The following IFITM10 variants were observed in gnomAD, a reference collection of about 807,000 sequenced individuals.
The protein encoded by IFITM10 is interferon induced transmembrane protein 10.
IFITM10 carries 17 observed loss-of-function variants against 19.0 expected under a neutral mutation model. The ratio of observed to expected loss-of-function variants is 0.90; its 90% CI spans 0.61 to 1.34. The LOEUF is 1.34. Ranked by LOEUF, IFITM10 falls within the 40% of genes most tolerant of loss-of-function variation. IFITM10 has a pLI of 0.00. For missense variants in IFITM10, 306 were observed against 319.8 expected, an observed-to-expected ratio of 0.96 and a Z score of 0.33; for synonymous variants, 148 against 147.2, an observed-to-expected ratio of 1.01 and a Z score of -0.04.
At chr11:1,747,530 C>T in intron 2 of IFITM10, 137 bp downstream of exon 2, 2 of 747,736 alleles carry the variant, frequency 2.7e-6, no homozygotes, top group Non-Finnish European at 4.4e-6. Flanking sequence ...CCTTTGATCC[C>T]TTGGCCCCTC....
intron 2 of IFITM10, among the ~76,000 whole-genome samples, chr11:1,743,017 G>A (rs1234337169): frequency 7.2e-6 from 1 of 138,696 alleles, no homozygotes; most frequent in East Asian, 2.1e-4. Context: ...TAAATGGATG[G>A]ATGGATTGAG....
In IFITM10 at chr11:1,747,770, G is replaced by T; in HGVS notation, c.434C>A (p.Pro145Gln). The change falls in exon 2 of 3, where the codon CCG (proline) becomes CAG (glutamine). Residue 145 changes from proline (P) to glutamine (Q), a missense_variant. Transcript: ENST00000340134. ...ATAGTCGTTCACCTCGGTGGTGTCC[G>T]GGTAGACCTCGATGACGGTCGTGGG... Reference protein sequence around the residue: ...TNPTTVIEVYPDTTEVNDYYL... With the variant: ...TNPTTVIEVYQDTTEVNDYYL... The T allele has an allele frequency of 1.3e-6, 2 of 1,551,820 alleles. No individual in the cohort carries two copies. Among genetic ancestry groups the T allele is most frequent in the Non-Finnish European group, 1.7e-6 (2 of 1,146,950 alleles).
At position 1,742,535 on chromosome 11, in the gene IFITM10, C is replaced by T. The variant is rs137868119; in HGVS notation, c.537+5132G>A. On this transcript the variant is annotated intron_variant, in intron 2 of 2. Coordinates refer to ENST00000340134, the MANE Select transcript of IFITM10 (RefSeq NM_001170820.4). ...ACTCAGTGAATGGGTGAGTGTGACT[C>T]AGCTAGGGGAGCAGCAGGAGGAAGG... is the stretch of plus-strand genomic sequence containing the variant. Among the ~76,000 whole-genome samples the T allele has an allele frequency of 2.2e-3, 340 of 152,142 alleles. 3 individuals carry two copies. The highest frequency in any genetic ancestry group is 8.0e-3 in the African/African-American group (331 of 41,512).
At chr11:1,743,481 TATGG>T (rs1280322662) in intron 2 of IFITM10, among the ~76,000 whole-genome samples, 3 of 146,930 alleles carry the variant, frequency 2.0e-5, no homozygotes, top group Non-Finnish European at 4.5e-5. Context: ...GATGGATGCA[TATGG>T]ATGGATGGAC....
In IFITM10 at chr11:1,750,591, T is replaced by C. The variant is rs1328057110; in HGVS notation, c.-149A>G. 3 of 1,002,038 alleles carry C rather than the reference T, an allele frequency of 3.0e-6. No homozygotes were observed. The highest frequency in any genetic ancestry group is 1.6e-5 in the South Asian group (1 of 62,720). The allele number at this position is 1,002,038 out of a possible 1,614,324, so 62.1% of individuals were successfully genotyped here. A position where few individuals can be genotyped will look rare whatever the true frequency, so the allele number is the denominator to read the frequency against. On this transcript the variant is annotated 5_prime_UTR_variant, in exon 1 of 3. Transcript: ENST00000340134. ...CTGCCTGTGCCTGACTCTGAACCCT[T>C]TCTCTCCCCAAACCTCTGTTCTGAA...
chr11:1,740,299 CAAAAAAAAAA>C (rs58480346), intron 2 of IFITM10, among the ~76,000 whole-genome samples: 11 of 41,030 alleles, frequency 2.7e-4, no homozygotes, highest in African/African-American at 7.6e-4. Flanking sequence ...GACTCCATCT[CAAAAAAAAAA>C]AAAAAAAAAA....
chr11:1,748,537 G>A (rs116801975), intron 1 of IFITM10: 2,539 of 173,534 alleles, frequency 0.015, 71 homozygotes, highest in African/African-American at 0.057. Context: ...CTAGCAGAGC[G>A]GCCAAAGCAC....
rs1851068511 is a variant in IFITM10 at position 1,734,988 on chromosome 11, C to A, written c.*292G>T. 2.3e-6 allele frequency: 1 copy of A among 436,224 alleles called. No homozygotes were observed. Among genetic ancestry groups the A allele is most frequent in the Non-Finnish European group, 4.1e-6 (1 of 243,860 alleles). The allele number at this position is 436,224 out of a possible 1,614,324, so 27.0% of individuals were successfully genotyped here. Reference sequence around the variant, plus strand: ...GAGCCTGGGAAGGGGCACGTGAGGGCAGGGACACAGACGCTGGAAGCCAGG... The same window carrying A: ...GAGCCTGGGAAGGGGCACGTGAGGGAAGGGACACAGACGCTGGAAGCCAGG... On this transcript the variant is annotated 3_prime_UTR_variant, in exon 3 of 3. Coordinates refer to ENST00000340134, the MANE Select transcript of IFITM10 (RefSeq NM_001170820.4).
In IFITM10 at chr11:1,747,800, G is replaced by A; in HGVS notation, c.404C>T (p.Thr135Ile). 1 of 1,551,062 alleles carries A rather than the reference G, an allele frequency of 6.4e-7. No homozygotes were observed. The highest frequency in any genetic ancestry group is 8.7e-7 in the Non-Finnish European group (1 of 1,146,464). The part of the protein sequence containing the change: ...CKHLAEKKTM[T>I]NPTTVIEVYP... ...GACCTCGATGACGGTCGTGGGGTTG[G>A]TCATCGTCTTCTTCTCGGCTAGGTG... is the stretch of plus-strand genomic sequence containing the variant. The change falls in exon 2 of 3, where the codon ACC becomes ATC. Residue 135 changes from threonine to isoleucine, a missense_variant. Physicochemically the swap from Thr to Ile is moderately conservative, Grantham distance 89. Transcript: ENST00000340134.
At chr11:1,746,001 T>C (rs1209274340) in intron 2 of IFITM10, 1 of 142,970 alleles carries the variant, frequency 7.0e-6, no homozygotes, top group African/African-American at 2.7e-5. Context: ...CACACTCAGG[T>C]ACATACAGAC....
rs920804644 is a variant in IFITM10 at position 1,750,266 on chromosome 11, C to T, written c.84+93G>A. Reference sequence around the variant, plus strand: ...ATCCCCATAACAGTCCCCATGAGTTCCTCCCCATGGAGAAAACTCCAGCCT... The same window carrying T: ...ATCCCCATAACAGTCCCCATGAGTTTCTCCCCATGGAGAAAACTCCAGCCT... On this transcript the variant is annotated intron_variant, in intron 1 of 2. Coordinates refer to ENST00000340134, the MANE Select transcript of IFITM10 (RefSeq NM_001170820.4). The T allele has an allele frequency of 3.2e-6, 5 of 1,540,580 alleles. No individual in the cohort carries two copies. In the African/African-American group the frequency reaches 5.5e-5, roughly 17 times the overall value.
chr11:1,735,298 G>T lies in IFITM10; in HGVS notation c.669C>A (p.Tyr223Ter), dbSNP rs1455774412. Residue 223 changes from tyrosine to a stop codon, truncating the protein, a stop_gained, in exon 3 of 3, where the codon TAC (tyrosine) becomes TAA (stop). Transcript: ENST00000340134. LOFTEE classifies it high-confidence loss of function. ...GCGGGCCTTAGTAGTCGGTGAGGGG[G>T]TACCGCAGGAAGATGAAGACGAGGA... ...CIILVFIFLR[Y>*]PLTDY The T allele has an allele frequency of 1.3e-6, 2 of 1,551,706 alleles. No homozygotes were observed. The highest frequency in any genetic ancestry group is 1.7e-6 in the Non-Finnish European group (2 of 1,146,976).
chr11:1,747,292 C>A (rs1266048138), intron 2 of IFITM10, among the ~76,000 whole-genome samples: 1 of 152,124 alleles, frequency 6.6e-6, no homozygotes, highest in Non-Finnish European at 1.5e-5. Context: ...CCCATCCCTG[C>A]ACACGGAGAA....
intron 2 of IFITM10, among the ~76,000 whole-genome samples, chr11:1,739,646 G>A (rs1479221276): frequency 6.6e-6 from 1 of 152,174 alleles, no homozygotes; most frequent in African/African-American, 2.4e-5. Context: ...TGGTGGCCAG[G>A]CTCAGGGGAA....
chr11:1,744,639 T>TGGG (rs146312647), intron 2 of IFITM10: 110 of 150,728 alleles, frequency 7.3e-4, no homozygotes, highest in African/African-American at 2.6e-3. Flanking sequence ...CCCATGTGGG[T>TGGG]GGGGGGGGTG....
chr11:1,735,969 T>A (rs535051255), intron 2 of IFITM10, among the ~76,000 whole-genome samples: 3 of 152,076 alleles, frequency 2.0e-5, no homozygotes, highest in African/African-American at 7.2e-5. Context: ...GGGAGGAATA[T>A]TAAGGCGAAA....
At position 1,747,827 on chromosome 11, in the gene IFITM10, T is replaced by G; in HGVS notation, c.377A>C (p.Lys126Thr). 2 of 1,549,000 alleles carry G rather than the reference T, an allele frequency of 1.3e-6. No individual in the cohort carries two copies. The highest frequency in any genetic ancestry group is 2.4e-5 in the East Asian group (1 of 40,892). ...VRAAGAPPAC[K>T]HLAEKKTMTN... is the part of the protein sequence containing the mutation. ...CATCGTCTTCTTCTCGGCTAGGTGC[T>G]TGCAGGCAGGGGGCGCGCCGGCAGC... Residue 126 changes from lysine to threonine, a missense_variant, in exon 2 of 3, where the codon AAG becomes ACG. By Grantham distance (78) the Lys-to-Thr change is moderately conservative. Coordinates refer to ENST00000340134, the MANE Select transcript of IFITM10 (RefSeq NM_001170820.4).
At chr11:1,749,886 C>A (rs547391245) in intron 1 of IFITM10, among the ~76,000 whole-genome samples, 1 of 152,278 alleles carries the variant, frequency 6.6e-6, no homozygotes, top group South Asian at 2.1e-4. Context: ...TCTGACTTCA[C>A]CCAGCCGGGG....
intron 2 of IFITM10, among the ~76,000 whole-genome samples, chr11:1,736,680 G>A (rs555542088): frequency 6.6e-6 from 1 of 151,786 alleles, no homozygotes; most frequent in African/African-American, 2.4e-5. Context: ...TGAAGTGGGT[G>A]GAATGGATGG....
Sources: allele counts gnomAD v4.1 joint callset (sites outside exome capture counted in the v4.1 genomes callset), GRCh38; gene constraint gnomAD v4.1.1; transcripts MANE v1.5; gene names NCBI Gene and HGNC (gene_info 2026-07-23, HGNC 2026-07-21).